Variants in DCT observed in about 807,000 individuals in gnomAD.
DCT encodes dopachrome tautomerase, also known as L-dopachrome tautomerase.
DCT carries 47 observed loss-of-function variants against 53.0 expected under a neutral mutation model. That is an observed-to-expected ratio of 0.89 (90% confidence interval 0.70 to 1.13). DCT has a LOEUF of 1.13. Ranked by LOEUF, DCT falls within the 50% of genes most tolerant of loss-of-function variation. The pLI is 0.00. For missense variants in DCT, 669 were observed against 637.4 expected, an observed-to-expected ratio of 1.05 and a Z score of -0.53; for synonymous variants, 244 against 237.0, an observed-to-expected ratio of 1.03 and a Z score of -0.27.
intron 1 of DCT, among the ~76,000 whole-genome samples, chr13:94,473,038 C>CT (rs1318501299): frequency 1.3e-5 from 2 of 151,972 alleles, no homozygotes; most frequent in Non-Finnish European, 2.9e-5. Flanking sequence ...TCTGAAGGGC[C>CT]TAGTTGATGC....
chr13:94,474,284 C>A (rs1476358771), intron 1 of DCT, among the ~76,000 whole-genome samples: 1 of 152,176 alleles, frequency 6.6e-6, no homozygotes, highest in African/African-American at 2.4e-5. Flanking sequence ...CATCTAAACA[C>A]CACACATTCC....
rs1265462743 is a variant in DCT, at chr13:94,436,856, T to C, written c.*3042A>G. Reference sequence around the variant, plus strand: ...CATTCACTTATTCATTCAAAGAATATTTATAAAATACTCAGGATAAGTAAG... The same window carrying C: ...CATTCACTTATTCATTCAAAGAATACTTATAAAATACTCAGGATAAGTAAG... On this transcript the variant is annotated 3_prime_UTR_variant, in exon 8 of 8. Transcript: ENST00000377028. 2.0e-5 allele frequency: 3 copies of C among 152,198 alleles called. No homozygotes were observed. The highest frequency in any genetic ancestry group is 4.4e-5 in the Non-Finnish European group (3 of 68,048). The allele number at this position is 152,198 out of a possible 1,614,324, so 9.4% of individuals were successfully genotyped here. A position where few individuals can be genotyped will look rare whatever the true frequency, so the allele number is the denominator to read the frequency against.
the DCT span, among the ~76,000 whole-genome samples, chr13:94,547,987 AT>A: frequency 0.067 from 4,638 of 69,146 alleles, 192 homozygotes; most frequent in East Asian, 0.17. Context: ...AAAAAAAAAT[AT>A]ATATATATAT....
At chr13:94,461,357 C>T (rs759829715) in intron 5 of DCT, among the ~76,000 whole-genome samples, 14 of 152,122 alleles carry the variant, frequency 9.2e-5, no homozygotes, top group Non-Finnish European at 1.6e-4. Context: ...CAGGTACATA[C>T]CACCACACCT....
At chr13:94,531,434 A>C in the DCT span, among the ~76,000 whole-genome samples, 2 of 152,210 alleles carry the variant, frequency 1.3e-5, no homozygotes, top group African/African-American at 4.8e-5. Context: ...TACTGGTACC[A>C]AAACAGATAT....
At chr13:94,520,948 A>G in the DCT span, among the ~76,000 whole-genome samples, 2 of 152,254 alleles carry the variant, frequency 1.3e-5, no homozygotes, top group African/African-American at 4.8e-5. Context: ...GGGACAGAAT[A>G]CAGCCCAGTA....
At chr13:94,541,015 T>A in the DCT span, among the ~76,000 whole-genome samples, 1 of 152,206 alleles carries the variant, frequency 6.6e-6, no homozygotes, top group Admixed American at 6.5e-5. Flanking sequence ...CAGGACATTA[T>A]GTTAAGTGAA....
intron 1 of DCT, among the ~76,000 whole-genome samples, chr13:94,469,719 C>A (rs1884506786): frequency 2.0e-5 from 3 of 152,152 alleles, no homozygotes; most frequent in African/African-American, 7.2e-5. Flanking sequence ...AAAGGGATGA[C>A]ACAGAACAGT....
intron 4 of DCT, among the ~76,000 whole-genome samples, chr13:94,462,964 G>A (rs1883914198): frequency 1.3e-5 from 2 of 152,194 alleles, no homozygotes; most frequent in African/African-American, 4.8e-5. Flanking sequence ...ACAAAGGGGA[G>A]ATATTAGAAG....
the DCT span, among the ~76,000 whole-genome samples, chr13:94,495,193 C>T: frequency 6.6e-6 from 1 of 152,162 alleles, no homozygotes; most frequent in Admixed American, 6.5e-5. Flanking sequence ...GCCTGCCAGG[C>T]TCAAGCCATC....
the DCT span, among the ~76,000 whole-genome samples, chr13:94,525,641 G>A: frequency 2.0e-5 from 3 of 152,070 alleles, no homozygotes; most frequent in Non-Finnish European, 2.9e-5. Context: ...CATATTAAAC[G>A]CAACTCTTGA....
the DCT span, among the ~76,000 whole-genome samples, chr13:94,520,924 A>G: frequency 1.3e-5 from 2 of 152,376 alleles, no homozygotes; most frequent in Non-Finnish European, 2.9e-5. Flanking sequence ...ATTTAAACTC[A>G]GTTGAAAGCT....
At chr13:94,505,723 T>C in the DCT span, among the ~76,000 whole-genome samples, 1 of 152,196 alleles carries the variant, frequency 6.6e-6, no homozygotes, top group Non-Finnish European at 1.5e-5. Flanking sequence ...TATAAAAAAC[T>C]TTGGTTTCCA....
chr13:94,538,857 C>A, the DCT span, among the ~76,000 whole-genome samples: 58 of 152,304 alleles, frequency 3.8e-4, no homozygotes, highest in East Asian at 0.011. Context: ...CTCCCTCACT[C>A]TTAGGATTTG....
At chr13:94,525,671 T>G in the DCT span, among the ~76,000 whole-genome samples, 1 of 152,122 alleles carries the variant, frequency 6.6e-6, no homozygotes, top group African/African-American at 2.4e-5. Context: ...ACAGCTAAGA[T>G]TACTGAAAAG....
At chr13:94,523,590 G>A in the DCT span, among the ~76,000 whole-genome samples, 1 of 152,272 alleles carries the variant, frequency 6.6e-6, no homozygotes, top group South Asian at 2.1e-4. Context: ...CAGACTTTGG[G>A]ATAGGTTTGC....
At chr13:94,499,906 G>A in the DCT span, among the ~76,000 whole-genome samples, 2,189 of 152,076 alleles carry the variant, frequency 0.014, 58 homozygotes, top group African/African-American at 0.049. Flanking sequence ...AACAAATATT[G>A]TATATATTTA....
the DCT span, among the ~76,000 whole-genome samples, chr13:94,489,893 A>G: frequency 6.6e-6 from 1 of 152,236 alleles, no homozygotes; most frequent in Non-Finnish European, 1.5e-5. Context: ...CCATAATGCA[A>G]TATTACTACC....
At chr13:94,494,950 T>C in the DCT span, among the ~76,000 whole-genome samples, 3 of 152,336 alleles carry the variant, frequency 2.0e-5, no homozygotes, top group East Asian at 5.8e-4. Flanking sequence ...AATTTCCCTG[T>C]TTTTGAATAT....
Sources: gnomAD v4.1 joint callset for allele counts (sites outside exome capture counted in the v4.1 genomes callset) on GRCh38, gnomAD v4.1.1 for gene constraint, MANE v1.5 for transcripts, NCBI Gene and HGNC (gene_info 2026-07-23, HGNC 2026-07-21) for gene names.